Variants in SLC6A2 observed in about 807,000 individuals in gnomAD.
SLC6A2 encodes the protein solute carrier family 6 member 2, also known as sodium-dependent noradrenaline transporter.
SLC6A2 carries 26 observed loss-of-function variants against 71.7 expected under a neutral mutation model. The observed-to-expected ratio is 0.36, with a 90% CI of 0.27 to 0.50. The LOEUF (loss-of-function observed/expected upper bound fraction) is 0.50. Ranked by LOEUF, SLC6A2 falls within the 20% of genes least tolerant of loss-of-function variation. The pLI is 0.96. For missense variants in SLC6A2, 581 were observed against 803.9 expected (o/e 0.72, Z 3.35); for synonymous variants, 363 against 337.9 (o/e 1.07, Z -0.82).
chr16:55,685,969 G>T (rs899164458), intron 5 of SLC6A2, among the ~76,000 whole-genome samples: 9 of 152,116 alleles, frequency 5.9e-5, no homozygotes, highest in Admixed American at 3.3e-4. Flanking sequence ...GAACATCATG[G>T]GAACAACAAC....
chr16:55,683,315 A>T (rs1037469313), intron 4 of SLC6A2, among the ~76,000 whole-genome samples: 6 of 152,096 alleles, frequency 3.9e-5, no homozygotes, highest in Admixed American at 1.3e-4. Flanking sequence ...TGTTTTTCTT[A>T]CTTATAAAAA....
chr16:55,684,350 T>A (rs1206356820), intron 4 of SLC6A2, among the ~76,000 whole-genome samples: 19 of 151,274 alleles, frequency 1.3e-4, no homozygotes, highest in African/African-American at 4.6e-4. Context: ...TATAAATATA[T>A]CCTAATTTAT....
At chr16:55,671,604 A>C in intron 3 of SLC6A2, 1 of 504,932 alleles carries the variant, frequency 2.0e-6, no homozygotes, top group South Asian at 4.0e-5. Flanking sequence ...CTCCTGTCAG[A>C]TCAGCCGCTG....
chr16:55,658,345 C>G (rs1415686035), intron 2 of SLC6A2, among the ~76,000 whole-genome samples: 1 of 152,092 alleles, frequency 6.6e-6, no homozygotes, highest in South Asian at 2.1e-4. Flanking sequence ...GACCTCGTCT[C>G]TACTAAAAAT....
At chr16:55,682,665 G>C (rs1305439388) in intron 4 of SLC6A2, among the ~76,000 whole-genome samples, 3 of 152,166 alleles carry the variant, frequency 2.0e-5, no homozygotes, top group Non-Finnish European at 2.9e-5. Flanking sequence ...GGCTCTCCTT[G>C]CAACTGAGTC....
intron 14 of SLC6A2, 73 bp from the exon 15 acceptor site, chr16:55,702,250 T>A: frequency 6.9e-7 from 1 of 1,454,188 alleles, no homozygotes; most frequent in Admixed American, 1.7e-5. Flanking sequence ...TACCTCCTGC[T>A]GCCCCCGCCA....
chr16:55,678,804 A>G (rs1394430097), intron 4 of SLC6A2, among the ~76,000 whole-genome samples: 1 of 152,202 alleles, frequency 6.6e-6, no homozygotes, highest in Non-Finnish European at 1.5e-5. Flanking sequence ...ATTCATTTTC[A>G]TTAAACTTCT....
chr16:55,697,326 T>C (rs1965830105), intron 9 of SLC6A2, among the ~76,000 whole-genome samples: 1 of 152,200 alleles, frequency 6.6e-6, no homozygotes. Context: ...TAGCTTGCAT[T>C]CTTCTTGTCT....
rs140923276 is a variant in SLC6A2 at position 55,662,309 on chromosome 16, G to C, written c.274+5341G>C. On this transcript the variant is annotated intron_variant, in intron 2 of 14. Transcript: ENST00000568943. ...GAGAAAGGCCCCAGGGCTTTCATTA[G>C]CTGCATCCTTCATGTGAGTCACTGC... 6.3e-3 allele frequency among the ~76,000 whole-genome samples: 953 copies of C among 152,314 alleles called. 11 individuals carry two copies. Among genetic ancestry groups the C allele is most frequent in the African/African-American group, 0.022 (905 of 41,562 alleles).
At chr16:55,701,999 G>A (rs1965985638) in intron 14 of SLC6A2, 65 bp downstream of exon 14, 1 of 1,291,430 alleles carries the variant, frequency 7.7e-7, no homozygotes, top group Non-Finnish European at 1.1e-6. Context: ...TCCCTGCTGT[G>A]CACTGCCCAA....
At chr16:55,695,605 C>G (rs142528218) in intron 8 of SLC6A2, among the ~76,000 whole-genome samples, 1 of 152,330 alleles carries the variant, frequency 6.6e-6, no homozygotes, top group East Asian at 1.9e-4. Flanking sequence ...TGTAGGAGAA[C>G]CTTCCTCTGA....
At chr16:55,700,044 T>G in intron 12 of SLC6A2, 95 bp from the exon 13 acceptor site, 1 of 1,053,730 alleles carries the variant, frequency 9.5e-7, no homozygotes, top group South Asian at 1.3e-5. Flanking sequence ...TTCTCTTCAT[T>G]TCTCTCCCAC....
At chr16:55,692,080 G>T in intron 6 of SLC6A2, 28 bp downstream of exon 6, 1 of 1,613,916 alleles carries the variant, frequency 6.2e-7, no homozygotes. Context: ...ACCAAGCCTT[G>T]GGCCAGGCTT....
At chr16:55,677,076 G>A (rs531017965) in intron 4 of SLC6A2, among the ~76,000 whole-genome samples, 25 of 152,270 alleles carry the variant, frequency 1.6e-4, no homozygotes, top group African/African-American at 5.1e-4. Flanking sequence ...TACACACTGC[G>A]CTCTTCTGTC....
At chr16:55,688,014 A>G (rs553401708) in intron 5 of SLC6A2, among the ~76,000 whole-genome samples, 165 of 152,378 alleles carry the variant, frequency 1.1e-3, no homozygotes, top group Non-Finnish European at 2.0e-3. Flanking sequence ...ACCACAGCCC[A>G]CATTTTGCAT....
At chr16:55,672,874 AT>A (rs1419156643) in intron 4 of SLC6A2, among the ~76,000 whole-genome samples, 1 of 152,238 alleles carries the variant, frequency 6.6e-6, no homozygotes, top group African/African-American at 2.4e-5. Context: ...AGAAACTTTT[AT>A]GTTGAAATAC....
intron 5 of SLC6A2, among the ~76,000 whole-genome samples, chr16:55,688,549 C>A (rs879755714): frequency 6.6e-5 from 10 of 152,152 alleles, no homozygotes; most frequent in Non-Finnish European, 1.5e-4. Flanking sequence ...TCAAGTCAAC[C>A]TTAGAGTAGG....
intron 2 of SLC6A2, among the ~76,000 whole-genome samples, chr16:55,668,633 G>A (rs575268059): frequency 6.6e-6 from 1 of 152,236 alleles, no homozygotes. Flanking sequence ...GAGTCACCTC[G>A]CAGAGTCAGA....
intron 3 of SLC6A2, 143 bp downstream of exon 3, chr16:55,669,839 C>T (rs1567435035): frequency 2.2e-6 from 2 of 892,060 alleles, no homozygotes; most frequent in African/African-American, 3.3e-5. Flanking sequence ...CAGTGTCCCC[C>T]ATTCCAAGTT....
Sources: gnomAD v4.1 joint callset for allele counts (sites outside exome capture counted in the v4.1 genomes callset) on GRCh38, gnomAD v4.1.1 for gene constraint, MANE v1.5 for transcripts, NCBI Gene and HGNC (gene_info 2026-07-23, HGNC 2026-07-21) for gene names.